CDH4: variants seen among roughly 807,000 people sequenced by gnomAD.
The protein encoded by CDH4 is cadherin 4, also known as cadherin-4.
CDH4 carries 33 observed loss-of-function variants against 86.0 expected under a neutral mutation model. The observed-to-expected ratio is 0.38, with a 90% CI of 0.29 to 0.51. The LOEUF (loss-of-function observed/expected upper bound fraction) is 0.51. Among genes scored for constraint, CDH4 ranks in the 20% least tolerant of loss-of-function variants. CDH4 has a pLI of 0.86. For synonymous variants in CDH4, 555 were observed against 549.4 expected (o/e 1.01, Z -0.14); for missense variants, 1,114 against 1,307.4 (o/e 0.85, Z 2.28).
At chr20:61,705,930 CG>C (rs1438717725) in intron 2 of CDH4, among the ~76,000 whole-genome samples, 1 of 152,218 alleles carries the variant, frequency 6.6e-6, no homozygotes, top group African/African-American at 2.4e-5. Flanking sequence ...GTGCTGAGCT[CG>C]GAGCCCCTTG....
chr20:61,695,748 C>G (rs961697950), intron 2 of CDH4, among the ~76,000 whole-genome samples: 1 of 152,226 alleles, frequency 6.6e-6, no homozygotes, highest in African/African-American at 2.4e-5. Flanking sequence ...CCTGGCATCT[C>G]ATCTAGCTGG....
At chr20:61,332,793 G>A (rs552157837) in intron 2 of CDH4, among the ~76,000 whole-genome samples, 3 of 152,196 alleles carry the variant, frequency 2.0e-5, no homozygotes, top group African/African-American at 4.8e-5. Flanking sequence ...TCCCTGCCCC[G>A]GCTGTGGCGC....
chr20:61,542,232 G>A (rs567669214), intron 2 of CDH4, among the ~76,000 whole-genome samples: 9 of 152,256 alleles, frequency 5.9e-5, no homozygotes, highest in Admixed American at 4.6e-4. Flanking sequence ...GGCTGCTTCC[G>A]ATTTTCTGTT....
intron 2 of CDH4, among the ~76,000 whole-genome samples, chr20:61,513,736 G>A (rs1009269136): frequency 6.6e-6 from 1 of 152,178 alleles, no homozygotes; most frequent in Non-Finnish European, 1.5e-5. Flanking sequence ...GTAACCAGCT[G>A]CAGGTGAGAA....
At chr20:61,854,601 G>A (rs57365023) in intron 6 of CDH4, among the ~76,000 whole-genome samples, 15,279 of 98,910 alleles carry the variant, frequency 0.15, 2,685 homozygotes, top group African/African-American at 0.34. Context: ...CCCTTGGTCC[G>A]CCCCCAGGGC....
At chr20:61,819,274 G>A (rs1475268694) in intron 4 of CDH4, among the ~76,000 whole-genome samples, 9 of 152,234 alleles carry the variant, frequency 5.9e-5, no homozygotes, top group Admixed American at 5.9e-4. Context: ...AGCTGAACCG[G>A]TGCTGGCCCA....
At chr20:61,415,656 C>T (rs1330378615) in intron 2 of CDH4, among the ~76,000 whole-genome samples, 1 of 152,108 alleles carries the variant, frequency 6.6e-6, no homozygotes, top group Admixed American at 6.5e-5. Context: ...GCTGTTTTCA[C>T]TTAGCATGAT....
intron 2 of CDH4, among the ~76,000 whole-genome samples, chr20:61,384,846 T>C (rs1324340756): frequency 6.6e-6 from 1 of 152,246 alleles, no homozygotes; most frequent in Non-Finnish European, 1.5e-5. Context: ...ATAATAAGCA[T>C]AGGTATTTCA....
chr20:61,936,946 G>C lies in CDH4; in HGVS notation c.*3G>C. 1 of 1,559,430 alleles carries C rather than the reference G, an allele frequency of 6.4e-7. No individual in the cohort carries two copies. Among genetic ancestry groups the C allele is most frequent in the African/African-American group, 1.4e-5 (1 of 73,158 alleles). On this transcript the variant is annotated 3_prime_UTR_variant, in exon 16 of 16. Coordinates refer to ENST00000614565, the MANE Select transcript of CDH4 (RefSeq NM_001794.5). ...ATGGAGGTGGTGAAGAGGATTGACT[G>C]ACCTCGCATCTTCGGACCGAAGTGA...
At chr20:61,283,559 G>T (rs1212068799) in intron 2 of CDH4, among the ~76,000 whole-genome samples, 1 of 142,094 alleles carries the variant, frequency 7.0e-6, no homozygotes, top group African/African-American at 2.6e-5. Flanking sequence ...TGTGGTGTGT[G>T]ATGTAGGTGC....
At chr20:61,842,090 C>T (rs115037423) in intron 4 of CDH4, among the ~76,000 whole-genome samples, 210 of 152,310 alleles carry the variant, frequency 1.4e-3, no homozygotes, top group African/African-American at 4.6e-3. Context: ...TTCTTTGATA[C>T]GAATTAAGCT....
intron 2 of CDH4, among the ~76,000 whole-genome samples, chr20:61,607,070 A>G (rs2086651437): frequency 6.6e-6 from 1 of 152,146 alleles, no homozygotes; most frequent in Admixed American, 6.5e-5. Context: ...GACCTTTACA[A>G]CCTTGTGGTA....
At chr20:61,661,537 T>A (rs888229239) in intron 2 of CDH4, among the ~76,000 whole-genome samples, 1 of 151,468 alleles carries the variant, frequency 6.6e-6, no homozygotes, top group African/African-American at 2.4e-5. Flanking sequence ...AAACTCTTCT[T>A]TTTTAATAGC....
intron 2 of CDH4, among the ~76,000 whole-genome samples, chr20:61,490,566 G>A (rs933403782): frequency 1.3e-5 from 2 of 152,170 alleles, no homozygotes; most frequent in Admixed American, 6.5e-5. Context: ...GGGCATAGTG[G>A]TGGGTGCCTG....
At chr20:61,570,522 G>A in intron 2 of CDH4, 2 of 615,814 alleles carry the variant, frequency 3.2e-6, no homozygotes, top group East Asian at 2.8e-5. Flanking sequence ...GAATGAGAAG[G>A]TCGATGACAA....
intron 4 of CDH4, among the ~76,000 whole-genome samples, chr20:61,803,844 G>A (rs1451042171): frequency 1.3e-5 from 2 of 152,206 alleles, no homozygotes; most frequent in East Asian, 1.9e-4. Flanking sequence ...AAAAACACAC[G>A]CCACCCAGGA....
intron 8 of CDH4, among the ~76,000 whole-genome samples, chr20:61,903,583 C>A (rs2054753484): frequency 2.2e-5 from 3 of 136,018 alleles, no homozygotes; most frequent in African/African-American, 2.8e-5. Context: ...TATTTTATTT[C>A]TGTGGATTTT....
intron 2 of CDH4, among the ~76,000 whole-genome samples, chr20:61,390,535 G>A (rs113444248): frequency 0.11 from 13,388 of 125,958 alleles, 928 homozygotes; most frequent in East Asian, 0.24. Context: ...CGGTCATAGG[G>A]TGCCCATAGC....
At chr20:61,664,900 C>G (rs1490446183) in intron 2 of CDH4, among the ~76,000 whole-genome samples, 1 of 152,232 alleles carries the variant, frequency 6.6e-6, no homozygotes, top group African/African-American at 2.4e-5. Flanking sequence ...AGGAAAGCAG[C>G]ATGAACTGAA....
Sources: allele counts gnomAD v4.1 joint callset (sites outside exome capture counted in the v4.1 genomes callset), GRCh38; gene constraint gnomAD v4.1.1; transcripts MANE v1.5; gene names NCBI Gene and HGNC (gene_info 2026-07-23, HGNC 2026-07-21).